NPHP4: variants seen among roughly 807,000 people sequenced by gnomAD.
NPHP4 encodes the protein nephrocystin-4.
Under a neutral mutation model 155.8 loss-of-function variants are expected in NPHP4, and 151 were observed. The ratio of observed to expected loss-of-function variants is 0.97; its 90% CI spans 0.85 to 1.11. NPHP4 has a LOEUF of 1.11. Ranked by LOEUF, NPHP4 falls within the 50% of genes least tolerant of loss-of-function variation. The pLI, the probability that NPHP4 is intolerant of heterozygous loss-of-function variation, is 0.00. For missense variants in NPHP4, 1,956 were observed against 1,925.7 expected (o/e 1.02, Z -0.29); for synonymous variants, 845 against 816.8 (o/e 1.03, Z -0.59).
At position 5,864,210 on chromosome 1, in the gene NPHP4, T is replaced by C. The variant is rs12117328; in HGVS notation, c.3996+128A>G. 53,896 of 1,138,132 alleles carry C rather than the reference T, an allele frequency of 0.047. 1,456 individuals are homozygous for C. The highest frequency in any genetic ancestry group is 0.065 in the African/African-American group (4,225 of 64,812). 70.5% of individuals were successfully genotyped at this position (1,138,132 alleles called of 1,614,324 possible). A position where few individuals can be genotyped will look rare whatever the true frequency, so the allele number is the denominator to read the frequency against. The stretch of plus-strand genomic sequence containing the variant: ...GACACAGCACAGGAGCAAACACTCA[T>C]GCACCCGGCCCTGCTGGGTCAGAAC... On this transcript the variant is annotated intron_variant, in intron 28 of 29. Transcript: ENST00000378156.
Position 5,873,337 on chromosome 1 carries a change from T to A in NPHP4, c.3232-2A>T. The A allele has an allele frequency of 6.2e-7, 1 of 1,613,548 alleles. No homozygotes were observed. The highest frequency in any genetic ancestry group is 8.5e-7 in the Non-Finnish European group (1 of 1,179,490). ...CTCGTTGCTCAACCCAGGAGAGGCC[T>A]GCAGGAACCGAACAGCACAAGCAGG... On this transcript the variant is annotated splice_acceptor_variant, in intron 22 of 29. Transcript: ENST00000378156. LOFTEE classifies it high-confidence loss of function.
intron 9 of NPHP4, among the ~76,000 whole-genome samples, chr1:5,943,352 G>A (rs1646922430): frequency 6.6e-6 from 1 of 152,114 alleles, no homozygotes; most frequent in Non-Finnish European, 1.5e-5. Context: ...CCAGTGCCTG[G>A]GTGTGCCCTG....
chr1:5,869,560 T>C (rs1472315023), intron 23 of NPHP4, among the ~76,000 whole-genome samples: 2 of 152,258 alleles, frequency 1.3e-5, no homozygotes, highest in South Asian at 2.1e-4. Context: ...TAAGCTTCTA[T>C]CAAGTTGGTG....
chr1:5,933,471 AAGGAACT>A, intron 9 of NPHP4, 142 bp from the exon 10 acceptor site: 1 of 686,884 alleles, frequency 1.5e-6, no homozygotes, highest in Non-Finnish European at 2.6e-6. Flanking sequence ...CATTTTATAA[AAGGAACT>A]AGGGCAGGAG....
At chr1:5,866,977 G>T in intron 25 of NPHP4, 53 bp downstream of exon 25, 1 of 1,395,604 alleles carries the variant, frequency 7.2e-7, no homozygotes, top group Non-Finnish European at 1.0e-6. Context: ...GCCGACAGGG[G>T]CGCAGACTCA....
intron 16 of NPHP4, among the ~76,000 whole-genome samples, chr1:5,893,187 G>C (rs367702464): frequency 2.0e-5 from 3 of 152,126 alleles, no homozygotes; most frequent in Non-Finnish European, 2.9e-5. Flanking sequence ...TCACAGGGTC[G>C]GTGGGTCTCT....
At chr1:5,938,445 A>G (rs1158944865) in intron 9 of NPHP4, among the ~76,000 whole-genome samples, 1 of 152,222 alleles carries the variant, frequency 6.6e-6, no homozygotes, top group Non-Finnish European at 1.5e-5. Flanking sequence ...CACAAGCCAG[A>G]TGCCATCAAC....
chr1:5,898,840 C>T (rs922844267), intron 16 of NPHP4, among the ~76,000 whole-genome samples: 2 of 150,274 alleles, frequency 1.3e-5, no homozygotes, highest in African/African-American at 5.0e-5. Context: ...CAAACCCACA[C>T]ATGCACACAC....
intron 6 of NPHP4, among the ~76,000 whole-genome samples, chr1:5,955,671 C>T (rs1233092401): frequency 6.6e-6 from 1 of 152,242 alleles, no homozygotes; most frequent in Admixed American, 6.5e-5. Flanking sequence ...TGATCTTACT[C>T]ATATGTGGGA....
At position 5,954,900 on chromosome 1, in the gene NPHP4, C is replaced by A. The variant is rs192169128; in HGVS notation, c.674-2064G>T. Among the ~76,000 whole-genome samples the A allele has an allele frequency of 2.8e-4, 43 of 151,984 alleles. 1 individual carries two copies. In the East Asian group the frequency reaches 5.0e-3, roughly 18 times the overall value. The stretch of plus-strand genomic sequence containing the variant: ...ATGGATTATATCAAAATAAAAAGGT[C>A]TTACACAATAAAGTAAACAATTAAC... On this transcript the variant is annotated intron_variant, in intron 6 of 29. Coordinates refer to ENST00000378156, the MANE Select transcript of NPHP4 (RefSeq NM_015102.5).
At position 5,917,728 on chromosome 1, in the gene NPHP4, T is replaced by C. The variant is rs561633534; in HGVS notation, c.1442-8515A>G. ...GCTTCAATGATAAGACTCTTCAGTG[T>C]GGAGCAAATAAATGCACCAACTATC... is the stretch of plus-strand genomic sequence containing the variant. On this transcript the variant is annotated intron_variant, in intron 11 of 29. Coordinates refer to ENST00000378156, the MANE Select transcript of NPHP4 (RefSeq NM_015102.5). Among the ~76,000 whole-genome samples, 345 of 152,268 alleles carry C rather than the reference T, an allele frequency of 2.3e-3. 2 individuals carry two copies. Among genetic ancestry groups the C allele is most frequent in the African/African-American group, 7.8e-3 (323 of 41,542 alleles).
Position 5,933,227 on chromosome 1 carries a change from G to A in NPHP4, c.1222C>T (p.Pro408Ser), listed in dbSNP as rs201192228. The change falls in exon 10 of 30, where the codon CCT (proline) becomes TCT (serine). Residue 408 changes from proline to serine, a missense_variant. By Grantham distance (74) the Pro-to-Ser change is moderately conservative. Coordinates refer to ENST00000378156, the MANE Select transcript of NPHP4 (RefSeq NM_015102.5). ...TTGGGCTGGATCCCACCCTGCAGAG[G>A]CAGGGTCACCCTTCCAGAATCAGCT... ...LEADSGRVTL[P>S]LQGGIQPNPS... 23 of 1,613,926 alleles carry A rather than the reference G, an allele frequency of 1.4e-5. No homozygotes were observed. In the African/African-American group the frequency reaches 2.3e-4, roughly 16 times the overall value.
At chr1:5,979,927 CA>C (rs1359694437) in intron 2 of NPHP4, among the ~76,000 whole-genome samples, 3 of 152,106 alleles carry the variant, frequency 2.0e-5, no homozygotes, top group Non-Finnish European at 4.4e-5. Context: ...GCAGGCCTAT[CA>C]GAATGTGTCT....
At chr1:5,883,781 T>G (rs1336452605) in intron 18 of NPHP4, among the ~76,000 whole-genome samples, 5 of 152,220 alleles carry the variant, frequency 3.3e-5, no homozygotes, top group Admixed American at 6.5e-5. Flanking sequence ...CACCCACATC[T>G]GACTGAAGTG....
chr1:5,948,628 C>T (rs934905764), intron 7 of NPHP4, among the ~76,000 whole-genome samples: 1 of 152,118 alleles, frequency 6.6e-6, no homozygotes, highest in African/African-American at 2.4e-5. Context: ...CAGCCCACTC[C>T]CCCAGAGCCC....
At chr1:5,932,365 A>C (rs1449850465) in intron 10 of NPHP4, among the ~76,000 whole-genome samples, 1 of 152,200 alleles carries the variant, frequency 6.6e-6, no homozygotes, top group Non-Finnish European at 1.5e-5. Context: ...TTGCTTTATC[A>C]ACTAAGTTTA....
At chr1:5,926,189 C>T (rs1414641434) in intron 11 of NPHP4, among the ~76,000 whole-genome samples, 1 of 152,088 alleles carries the variant, frequency 6.6e-6, no homozygotes, top group Non-Finnish European at 1.5e-5. Context: ...AGCTGTTAGG[C>T]ACAAAATTCA....
chr1:5,877,268 G>T lies in NPHP4; in HGVS notation c.2642C>A (p.Ala881Glu). ...GGCAGCCAGCTCACTGTCCACGTCC[G>T]CCAGCTTCTGTGCTTGCACCACGTG... ...RKHVVQAQKL[A>E]DVDSELAAML... The change falls in exon 20 of 30, where the codon GCG becomes GAG. Residue 881 changes from alanine to glutamate, a missense_variant. Coordinates refer to ENST00000378156, the MANE Select transcript of NPHP4 (RefSeq NM_015102.5). 1 of 1,601,878 alleles carries T rather than the reference G, an allele frequency of 6.2e-7. No homozygotes were observed. The highest frequency in any genetic ancestry group is 8.5e-7 in the Non-Finnish European group (1 of 1,170,858).
chr1:5,896,691 T>C (rs542830354), intron 16 of NPHP4, among the ~76,000 whole-genome samples: 9 of 152,178 alleles, frequency 5.9e-5, no homozygotes, highest in Non-Finnish European at 8.8e-5. Flanking sequence ...GTGAAAGGTT[T>C]TGAAGCAAGA....
Sources: gnomAD v4.1 joint callset for allele counts (sites outside exome capture counted in the v4.1 genomes callset) on GRCh38, gnomAD v4.1.1 for gene constraint, MANE v1.5 for transcripts, NCBI Gene and HGNC (gene_info 2026-07-23, HGNC 2026-07-21) for gene names.